Variants in WDR41 observed in about 807,000 individuals in gnomAD.
WDR41 encodes the protein WD repeat-containing protein 41.
WDR41 carries 63 observed loss-of-function variants against 69.3 expected under a neutral mutation model. The observed-to-expected ratio is 0.91, with a 90% CI of 0.74 to 1.12. WDR41 has a LOEUF of 1.12. WDR41 is among the 50% of genes most tolerant of loss of function. The pLI, the probability that WDR41 is intolerant of heterozygous loss-of-function variation, is 0.00. For synonymous variants in WDR41, 185 were observed against 192.1 expected, an observed-to-expected ratio of 0.96 and a Z score of 0.31; for missense variants, 543 against 534.5, an observed-to-expected ratio of 1.02 and a Z score of -0.16.
At chr5:77,511,427 A>T (rs1802201306) in intron 1 of WDR41, among the ~76,000 whole-genome samples, 1 of 152,206 alleles carries the variant, frequency 6.6e-6, no homozygotes, top group Non-Finnish European at 1.5e-5. Context: ...TTCATTCATA[A>T]TTATAGTTTT....
At chr5:77,620,426 T>G (rs1305147225) in intron 1 of WDR41, 3 of 455,934 alleles carry the variant, frequency 6.6e-6, no homozygotes, top group African/African-American at 4.0e-5. Flanking sequence ...CCTATGACCC[T>G]GAAAATATTG....
chr5:77,576,307 C>T (rs1209421418), intron 1 of WDR41, among the ~76,000 whole-genome samples: 2 of 152,066 alleles, frequency 1.3e-5, no homozygotes, highest in Non-Finnish European at 2.9e-5. Context: ...CACTACCCCC[C>T]TCAACCTGAC....
chr5:77,438,342 C>T lies in WDR41; in HGVS notation c.902G>A (p.Gly301Glu). 1 of 1,614,000 alleles carries T rather than the reference C, an allele frequency of 6.2e-7. No homozygotes were observed. The highest frequency in any genetic ancestry group is 8.5e-7 in the Non-Finnish European group (1 of 1,179,880). ...AAGGCTATACACGTATAAACCCCTT[C>T]CAACTGCAGCAAATACATTCTAGGG... ...CDEENVFAAV[G>E]RGLYVYSLQM... The change falls in exon 10 of 13, where the codon GGA becomes GAA. Residue 301 changes from glycine (G) to glutamate (E), a missense_variant. Physicochemically the swap from Gly to Glu is moderately conservative, Grantham distance 98. Coordinates refer to ENST00000296679, the MANE Select transcript of WDR41 (RefSeq NM_018268.4).
rs1218162424 is a variant in WDR41, at chr5:77,539,417, TA to T, written c.43-49846del. Among the ~76,000 whole-genome samples, 6 of 152,300 alleles carry T rather than the reference TA, an allele frequency of 3.9e-5. No individual in the cohort carries two copies. In the South Asian group the frequency reaches 1.2e-3, roughly 32 times the overall value. On this transcript the variant is annotated intron_variant, in intron 1 of 5. Transcript: ENST00000509971. ...GTAAGAGTCACCTGGCAGATCTTGTTAAAATGTATATTGTGATTCAGTAGGT... is the reference window on the plus strand; with the variant it reads ...GTAAGAGTCACCTGGCAGATCTTGTTAAATGTATATTGTGATTCAGTAGGT...
In WDR41 at chr5:77,451,353, C is replaced by A. The variant is rs774709646; in HGVS notation, c.524G>T (p.Gly175Val). The change falls in exon 7 of 13, where the codon GGT (glycine) becomes GTT (valine). Residue 175 changes from glycine to valine, a missense_variant and splice_region_variant. Transcript: ENST00000296679. Reference sequence around the variant, plus strand: ...AGGTATTTCAACCAAAGCACTAATACCTCCAAAAACATATAAAACAAAGTT... The same window carrying A: ...AGGTATTTCAACCAAAGCACTAATAACTCCAAAAACATATAAAACAAAGTT... ...LCKTSHLSDT[G>V]ISALVEIPKN... 4.3e-6 allele frequency: 7 copies of A among 1,612,682 alleles called. No individual in the cohort carries two copies. In the South Asian group the frequency reaches 6.6e-5, roughly 15 times the overall value.
rs1561724336 is a variant in WDR41, at chr5:77,436,345, T to C, written c.1143A>G (p.Gln381=). Residue 381 remains glutamine (Q), a synonymous_variant, in exon 12 of 13, where the codon CAA becomes CAG. Coordinates refer to ENST00000296679, the MANE Select transcript of WDR41 (RefSeq NM_018268.4). ...GFGRVSKQAS[Q]PVKKQQENAT... ...CATTTTCTTGCTGCTTTTTAACAGG[T>C]TGGCTGGCTTGTTTGCTGACTCTTC... 1 of 1,614,088 alleles carries C rather than the reference T, an allele frequency of 6.2e-7. No homozygotes were observed. The highest frequency in any genetic ancestry group is 8.5e-7 in the Non-Finnish European group (1 of 1,179,982).
At chr5:77,492,018 C>A (rs1801819327) in intron 1 of WDR41, 152 bp downstream of exon 1, 2 of 992,148 alleles carry the variant, frequency 2.0e-6, no homozygotes, top group South Asian at 3.4e-5. Context: ...CCTCCGCCCC[C>A]ACCGTCGTGA....
chr5:77,500,532 T>A (rs1157322130), intron 1 of WDR41, among the ~76,000 whole-genome samples: 1 of 152,024 alleles, frequency 6.6e-6, no homozygotes, highest in Non-Finnish European at 1.5e-5. Flanking sequence ...AAAGGGATAA[T>A]AAGAGAGTAT....
intron 1 of WDR41, among the ~76,000 whole-genome samples, chr5:77,517,657 T>TATATATATATATATATATATACACAC (rs1491454629): frequency 7.3e-6 from 1 of 136,656 alleles, no homozygotes; most frequent in African/African-American, 2.7e-5. Context: ...TATATATATA[T>TATATATATATATATATATATACACAC]ACCAGGCTAA....
At chr5:77,602,745 T>C (rs1363982143) in intron 1 of WDR41, among the ~76,000 whole-genome samples, 2 of 152,200 alleles carry the variant, frequency 1.3e-5, no homozygotes, top group Non-Finnish European at 2.9e-5. Context: ...ATATAGTGAT[T>C]TCATTTCCTT....
rs528539932 is a variant in WDR41 at position 77,502,478 on chromosome 5, C to T, written c.43-12906G>A. Among the ~76,000 whole-genome samples, 20 of 152,258 alleles carry T rather than the reference C, an allele frequency of 1.3e-4. No homozygotes were observed. The East Asian group carries it at 3.9e-3, about 29-fold the overall frequency. ...TATTATCCAGGAGAACATCCCCAAC[C>T]TAGCAAGGCAGGCTAACATTCAAAT... On this transcript the variant is annotated intron_variant, in intron 1 of 5. Coordinates refer to the WDR41 transcript ENST00000509971.
intron 2 of WDR41, among the ~76,000 whole-genome samples, chr5:77,468,255 T>C (rs1401071704): frequency 6.6e-6 from 1 of 152,110 alleles, no homozygotes; most frequent in African/African-American, 2.4e-5. Context: ...AAGCACTAAC[T>C]ATATAGATGC....
At chr5:77,607,183 A>AT (rs1209116011) in intron 1 of WDR41, among the ~76,000 whole-genome samples, 6 of 152,206 alleles carry the variant, frequency 3.9e-5, no homozygotes, top group African/African-American at 1.4e-4. Flanking sequence ...CTATTATTAG[A>AT]TAAAAAGTTC....
chr5:77,436,238 A>AT (rs1225299285), intron 12 of WDR41, 23 bp downstream of exon 12: 1 of 1,599,356 alleles, frequency 6.3e-7, no homozygotes, highest in Non-Finnish European at 8.5e-7. Flanking sequence ...TTGCTTGGAC[A>AT]TTCTGTGGCT....
chr5:77,543,713 A>C (rs1487654917), intron 1 of WDR41, among the ~76,000 whole-genome samples: 1 of 152,146 alleles, frequency 6.6e-6, no homozygotes, highest in Non-Finnish European at 1.5e-5. Context: ...GAGAATTCTA[A>C]AAGTTTGGAA....
intron 5 of WDR41, among the ~76,000 whole-genome samples, chr5:77,454,222 A>T (rs1799739727): frequency 6.6e-6 from 1 of 152,140 alleles, no homozygotes; most frequent in Non-Finnish European, 1.5e-5. Flanking sequence ...CACATGGAGA[A>T]AGGTCCATGT....
intron 1 of WDR41, among the ~76,000 whole-genome samples, chr5:77,526,650 T>C (rs577445937): frequency 1.9e-4 from 29 of 152,260 alleles, no homozygotes; most frequent in African/African-American, 5.3e-4. Flanking sequence ...ACAGATATCC[T>C]TCCTGCTTTT....
At chr5:77,438,095 C>A in intron 10 of WDR41, 145 bp downstream of exon 10, 42 of 1,165,526 alleles carry the variant, frequency 3.6e-5, no homozygotes, top group Non-Finnish European at 5.0e-5. Flanking sequence ...CTGTTAGAGA[C>A]AGCCCTCAGG....
chr5:77,462,442 T>G (rs1253388876), intron 4 of WDR41, among the ~76,000 whole-genome samples: 1 of 149,340 alleles, frequency 6.7e-6, no homozygotes, highest in Non-Finnish European at 1.5e-5. Context: ...TAAAAATACC[T>G]ATGTCAAAGG....
Sources: allele counts gnomAD v4.1 joint callset (sites outside exome capture counted in the v4.1 genomes callset), GRCh38; gene constraint gnomAD v4.1.1; transcripts MANE v1.5; gene names NCBI Gene and HGNC (gene_info 2026-07-23, HGNC 2026-07-21).